CAMKMT: variants seen among roughly 807,000 people sequenced by gnomAD.
CAMKMT encodes CaM KMT.
Under a neutral mutation model 48.0 loss-of-function variants are expected in CAMKMT, and 53 were observed. The observed-to-expected ratio is 1.10, with a 90% CI of 0.89 to 1.39. CAMKMT has a LOEUF of 1.39. CAMKMT is among the 40% of genes most tolerant of loss of function. The pLI is 0.00. For missense variants in CAMKMT, 428 were observed against 402.7 expected (o/e 1.06, Z -0.54); for synonymous variants, 165 against 152.3 (o/e 1.08, Z -0.61).
At position 44,772,451 on chromosome 2, in the gene CAMKMT, C is replaced by G. The variant is rs1681155780; in HGVS notation, c.*338C>G. 2 of 208,484 alleles carry G rather than the reference C, an allele frequency of 9.6e-6. No homozygotes were observed. Among genetic ancestry groups the G allele is most frequent in the African/African-American group, 4.6e-5 (2 of 43,250 alleles). The allele number at this position is 208,484 out of a possible 1,614,324, so 12.9% of individuals were successfully genotyped here. ...GAGACAGAATTTCTTTTGATGATAC[C>G]CATCCCTCCTTCATTTTTTTTTTTT... On this transcript the variant is annotated 3_prime_UTR_variant, in exon 11 of 11. Coordinates refer to ENST00000378494, the MANE Select transcript of CAMKMT (RefSeq NM_024766.5).
intron 3 of CAMKMT, among the ~76,000 whole-genome samples, chr2:44,647,276 TC>T (rs1007257746): frequency 7.2e-5 from 11 of 152,350 alleles, no homozygotes; most frequent in African/African-American, 2.6e-4. Flanking sequence ...TGTTGTACCT[TC>T]CTTTTTGTTG....
intron 3 of CAMKMT, among the ~76,000 whole-genome samples, chr2:44,564,853 C>G (rs536300961): frequency 6.6e-6 from 1 of 152,196 alleles, no homozygotes; most frequent in Non-Finnish European, 1.5e-5. Flanking sequence ...GCTGATAACA[C>G]TTTAAACCTT....
chr2:44,563,980 G>C (rs1470108533), intron 3 of CAMKMT, among the ~76,000 whole-genome samples: 2 of 152,000 alleles, frequency 1.3e-5, no homozygotes, highest in Admixed American at 6.6e-5. Context: ...TAATCCTTTG[G>C]GTATATACCC....
intron 2 of CAMKMT, among the ~76,000 whole-genome samples, chr2:44,382,223 G>C (rs998694385): frequency 6.6e-6 from 1 of 151,966 alleles, no homozygotes; most frequent in Admixed American, 6.6e-5. Context: ...GATTATAGGC[G>C]TGAGTCATCT....
At chr2:44,601,813 T>C (rs1671009320) in intron 3 of CAMKMT, among the ~76,000 whole-genome samples, 2 of 152,038 alleles carry the variant, frequency 1.3e-5, no homozygotes, top group South Asian at 4.1e-4. Flanking sequence ...TTTTAATTTT[T>C]CCTACTAAGA....
At chr2:44,741,807 CTT>C (rs751685459) in intron 7 of CAMKMT, among the ~76,000 whole-genome samples, 47 of 152,156 alleles carry the variant, frequency 3.1e-4, no homozygotes, top group Non-Finnish European at 5.4e-4. Flanking sequence ...TCCAGTTTGT[CTT>C]TGTTGAACCA....
At chr2:44,415,232 G>A (rs1380436672) in intron 3 of CAMKMT, among the ~76,000 whole-genome samples, 2 of 152,196 alleles carry the variant, frequency 1.3e-5, no homozygotes, top group Non-Finnish European at 2.9e-5. Context: ...GGCCTGGTAT[G>A]TACAACTGAG....
chr2:44,683,838 AAAAAAG>A (rs1166874730), intron 3 of CAMKMT, among the ~76,000 whole-genome samples: 1 of 149,368 alleles, frequency 6.7e-6, no homozygotes, highest in Admixed American at 6.6e-5. Context: ...AAAAAAAAAA[AAAAAAG>A]AAAAAGAAAA....
chr2:44,486,939 G>A (rs144720597), intron 3 of CAMKMT, among the ~76,000 whole-genome samples: 5 of 152,212 alleles, frequency 3.3e-5, no homozygotes, highest in Admixed American at 6.5e-5. Flanking sequence ...TAAGTCAGTC[G>A]TTCATAACAT....
chr2:44,510,941 A>G (rs1185419079), intron 3 of CAMKMT, among the ~76,000 whole-genome samples: 1 of 152,020 alleles, frequency 6.6e-6, no homozygotes, highest in African/African-American at 2.4e-5. Flanking sequence ...CTTGGGTTCA[A>G]GTGATTCTCC....
At chr2:44,494,814 C>G (rs923076688) in intron 3 of CAMKMT, among the ~76,000 whole-genome samples, 2 of 152,200 alleles carry the variant, frequency 1.3e-5, no homozygotes, top group African/African-American at 4.8e-5. Flanking sequence ...GAAGCTTTCT[C>G]TGACCTCTCA....
At chr2:44,452,651 A>T (rs1667352032) in intron 3 of CAMKMT, among the ~76,000 whole-genome samples, 1 of 152,154 alleles carries the variant, frequency 6.6e-6, no homozygotes, top group South Asian at 2.1e-4. Flanking sequence ...CAAAGTTGGA[A>T]ACCTAGAGAT....
intron 3 of CAMKMT, among the ~76,000 whole-genome samples, chr2:44,590,047 C>T (rs1670167401): frequency 6.6e-6 from 1 of 151,348 alleles, no homozygotes; most frequent in Non-Finnish European, 1.5e-5. Context: ...CTGTACATTC[C>T]ATCAAATTTT....
chr2:44,468,748 GTC>G (rs972601864), intron 3 of CAMKMT, among the ~76,000 whole-genome samples: 20 of 152,096 alleles, frequency 1.3e-4, no homozygotes, highest in Middle Eastern at 3.2e-3. Flanking sequence ...GCAAGACCCA[GTC>G]TCTACAAAAA....
chr2:44,573,227 T>A (rs983094903), intron 3 of CAMKMT, among the ~76,000 whole-genome samples: 1 of 152,194 alleles, frequency 6.6e-6, no homozygotes, highest in Non-Finnish European at 1.5e-5. Context: ...GCCATCTGTA[T>A]ATTTTCTTTG....
intron 3 of CAMKMT, among the ~76,000 whole-genome samples, chr2:44,659,404 G>A (rs1674556518): frequency 6.6e-6 from 1 of 151,826 alleles, no homozygotes; most frequent in Non-Finnish European, 1.5e-5. Flanking sequence ...TCCAGCTTGG[G>A]CAACAGAACA....
At chr2:44,630,222 T>G (rs1054798152) in intron 3 of CAMKMT, among the ~76,000 whole-genome samples, 3 of 150,494 alleles carry the variant, frequency 2.0e-5, no homozygotes, top group African/African-American at 7.3e-5. Flanking sequence ...GATCCCTTCC[T>G]TACACCTTAT....
intron 3 of CAMKMT, among the ~76,000 whole-genome samples, chr2:44,450,650 T>C (rs1667242305): frequency 6.6e-6 from 1 of 152,126 alleles, no homozygotes; most frequent in Admixed American, 6.6e-5. Flanking sequence ...TTTTGGTTAA[T>C]AAATTTTGAA....
At chr2:44,704,938 GAA>G (rs201771458) in intron 4 of CAMKMT, among the ~76,000 whole-genome samples, 1 of 134,436 alleles carries the variant, frequency 7.4e-6, no homozygotes, top group African/African-American at 2.7e-5. Flanking sequence ...TGGAATTTAG[GAA>G]AAAAAAAAAA....
Sources: allele counts gnomAD v4.1 joint callset (sites outside exome capture counted in the v4.1 genomes callset), GRCh38; gene constraint gnomAD v4.1.1; transcripts MANE v1.5; gene names NCBI Gene and HGNC (gene_info 2026-07-23, HGNC 2026-07-21).